Variants in CLEC16A observed in about 807,000 individuals in gnomAD.
The protein encoded by CLEC16A is C-type lectin domain containing 16A.
A neutral mutation model predicts 109.5 loss-of-function variants in CLEC16A; 51 were observed. The observed-to-expected ratio is 0.47, with a 90% confidence interval of 0.37 to 0.59. CLEC16A has a LOEUF of 0.59. Among genes scored for constraint, CLEC16A ranks in the 20% least tolerant of loss-of-function variants. The pLI is 0.00. For synonymous variants in CLEC16A, 673 were observed against 564.2 expected, an observed-to-expected ratio of 1.19 and a Z score of -2.73; for missense variants, 1,339 against 1,394.0, an observed-to-expected ratio of 0.96 and a Z score of 0.63.
At chr16:11,139,270 T>C (rs894396504) in intron 22 of CLEC16A, among the ~76,000 whole-genome samples, 1 of 152,204 alleles carries the variant, frequency 6.6e-6, no homozygotes, top group Admixed American at 6.5e-5. Flanking sequence ...CTTGGCATGA[T>C]GGAGACACCA....
At chr16:11,041,896 C>T (rs1350800436) in intron 14 of CLEC16A, 1 of 198,608 alleles carries the variant, frequency 5.0e-6, no homozygotes, top group Non-Finnish European at 1.0e-5. Flanking sequence ...GGAGGATCAG[C>T]TCCACCCAAA....
chr16:11,089,083 A>C (rs1348840365), intron 19 of CLEC16A, among the ~76,000 whole-genome samples: 1 of 151,920 alleles, frequency 6.6e-6, no homozygotes, highest in Non-Finnish European at 1.5e-5. Context: ...AGCTCTTCGC[A>C]CCTGCACACA....
rs117026150 is a variant in CLEC16A at position 11,099,827 on chromosome 16, T to C, written c.2117-20788T>C. Among the ~76,000 whole-genome samples the C allele has an allele frequency of 8.9e-3, 1,348 of 152,286 alleles. 10 individuals carry two copies. Among genetic ancestry groups the C allele is most frequent in the Non-Finnish European group, 0.012 (836 of 68,020 alleles). ...CTCTCTGCTTTCATTCTTCCCTGCC[T>C]GGGACCCACGTGCTGTTTTCACCCC... On this transcript the variant is annotated intron_variant, in intron 19 of 23. Transcript: ENST00000409790.
At chr16:11,033,958 T>G (rs2152834422) in intron 13 of CLEC16A, among the ~76,000 whole-genome samples, 1 of 152,322 alleles carries the variant, frequency 6.6e-6, no homozygotes, top group East Asian at 1.9e-4. Context: ...GTTTTACAGC[T>G]TTTGTATCTT....
intron 10 of CLEC16A, among the ~76,000 whole-genome samples, chr16:10,985,625 A>G (rs906829699): frequency 2.6e-5 from 4 of 152,024 alleles, no homozygotes; most frequent in African/African-American, 9.7e-5. Context: ...TCTTACTGTA[A>G]GATACCCTCT....
chr16:11,067,179 G>A (rs370395446), intron 19 of CLEC16A, among the ~76,000 whole-genome samples: 1 of 112,132 alleles, frequency 8.9e-6, no homozygotes, highest in Non-Finnish European at 1.8e-5. Context: ...TTTTTTTTTT[G>A]TTTGTTTTTG....
intron 18 of CLEC16A, 27 bp downstream of exon 18, chr16:11,051,668 C>T (rs1237087555): frequency 2.5e-6 from 4 of 1,609,306 alleles, no homozygotes; most frequent in African/African-American, 2.7e-5. Flanking sequence ...CCTGTCATCT[C>T]CTGGGCCACT....
chr16:11,114,128 CGTGTGTGTGTGTGTGTGTGT>C (rs3030600), intron 19 of CLEC16A, among the ~76,000 whole-genome samples: 45 of 127,248 alleles, frequency 3.5e-4, no homozygotes, highest in African/African-American at 7.7e-4. Flanking sequence ...TGAGGATGGC[CGTGTGTGTGTGTGTGTGTGT>C]GTGTGTGTGT....
At chr16:11,164,228 G>A (rs1007409031) in intron 22 of CLEC16A, among the ~76,000 whole-genome samples, 1 of 152,224 alleles carries the variant, frequency 6.6e-6, no homozygotes, top group African/African-American at 2.4e-5. Flanking sequence ...TGCTCAGGAT[G>A]ACCGCCTCAC....
chr16:11,014,128 T>C (rs1033268291), intron 11 of CLEC16A, among the ~76,000 whole-genome samples: 4 of 152,260 alleles, frequency 2.6e-5, no homozygotes, highest in Non-Finnish European at 5.9e-5. Context: ...AACTTGATTG[T>C]GTACTGAAGA....
At chr16:11,042,918 G>A (rs1047184070) in intron 15 of CLEC16A, among the ~76,000 whole-genome samples, 1 of 149,442 alleles carries the variant, frequency 6.7e-6, no homozygotes, top group East Asian at 1.9e-4. Context: ...TATATATAAA[G>A]AAGTATATTT....
intron 18 of CLEC16A, 29 bp from the exon 19 acceptor site, chr16:11,060,873 C>A: frequency 6.4e-7 from 1 of 1,573,866 alleles, no homozygotes; most frequent in Non-Finnish European, 8.6e-7. Context: ...CAATCTCACT[C>A]TTCTCTGCTC....
Position 10,949,248 on chromosome 16 carries a change from T to C in CLEC16A, c.80+4451T>C, listed in dbSNP as rs116441012. On this transcript the variant is annotated intron_variant, in intron 1 of 23. Transcript: ENST00000409790. ...GAGCTTGGGGTACAATATTGCCATG[T>C]TGATTTTCTTAAAATATCGTCTTCA... Among the ~76,000 whole-genome samples, 382 of 152,314 alleles carry C rather than the reference T, an allele frequency of 2.5e-3. 3 individuals are homozygous for C. Among genetic ancestry groups the C allele is most frequent in the African/African-American group, 8.6e-3 (359 of 41,570 alleles).
intron 10 of CLEC16A, among the ~76,000 whole-genome samples, chr16:11,000,707 ATG>A (rs760126171): frequency 2.6e-4 from 39 of 152,144 alleles, no homozygotes; most frequent in Non-Finnish European, 5.0e-4. Flanking sequence ...GCAGCAATTT[ATG>A]TGTCATTTTT....
chr16:10,987,885 C>G (rs1411566573), intron 10 of CLEC16A, among the ~76,000 whole-genome samples: 3 of 152,198 alleles, frequency 2.0e-5, no homozygotes, highest in Non-Finnish European at 4.4e-5. Flanking sequence ...TTTTTACCAG[C>G]AGACCTTTCA....
At chr16:10,993,214 C>A (rs1294908997) in intron 10 of CLEC16A, among the ~76,000 whole-genome samples, 2 of 151,768 alleles carry the variant, frequency 1.3e-5, no homozygotes, top group Non-Finnish European at 2.9e-5. Context: ...CCTGTCTCTT[C>A]AAAAAAATAC....
intron 19 of CLEC16A, among the ~76,000 whole-genome samples, chr16:11,106,424 G>C (rs941276000): frequency 6.7e-6 from 1 of 150,268 alleles, no homozygotes; most frequent in Admixed American, 6.6e-5. Flanking sequence ...AAGCAGCTAG[G>C]ATTACAGGTG....
intron 10 of CLEC16A, among the ~76,000 whole-genome samples, chr16:10,984,614 G>T (rs1336863305): frequency 6.6e-6 from 1 of 152,206 alleles, no homozygotes; most frequent in African/African-American, 2.4e-5. Flanking sequence ...GGTGACAGGG[G>T]TGATGTGTTA....
At chr16:11,048,941 C>T (rs766434798) in intron 17 of CLEC16A, among the ~76,000 whole-genome samples, 1 of 152,136 alleles carries the variant, frequency 6.6e-6, no homozygotes, top group African/African-American at 2.4e-5. Flanking sequence ...AGCTCTTAAA[C>T]CCCTGCTCAG....
Sources: gnomAD v4.1 joint callset for allele counts (sites outside exome capture counted in the v4.1 genomes callset) on GRCh38, gnomAD v4.1.1 for gene constraint, MANE v1.5 for transcripts, NCBI Gene and HGNC (gene_info 2026-07-23, HGNC 2026-07-21) for gene names.